The following PAPPA2 variants were observed in gnomAD, a reference collection of about 807,000 sequenced individuals.
The protein encoded by PAPPA2 is pappalysin-2.
Under a neutral mutation model 176.4 loss-of-function variants are expected in PAPPA2, and 86 were observed. The ratio of observed to expected loss-of-function variants is 0.49; its 90% CI spans 0.41 to 0.58. The LOEUF (loss-of-function observed/expected upper bound fraction) is 0.58. PAPPA2 is among the 20% of genes least tolerant of loss of function. The probability of loss-of-function intolerance (pLI) is 0.00; values close to 1 mark genes in which losing one functional copy is unlikely to be tolerated. For synonymous variants in PAPPA2, 809 were observed against 852.2 expected, an observed-to-expected ratio of 0.95 and a Z score of 0.88; for missense variants, 2,073 against 2,256.9, an observed-to-expected ratio of 0.92 and a Z score of 1.65.
chr1:176,751,072 T>C (rs1663150580), intron 14 of PAPPA2, among the ~76,000 whole-genome samples: 1 of 151,918 alleles, frequency 6.6e-6, no homozygotes, highest in Non-Finnish European at 1.5e-5. Context: ...TAGCCAGTTT[T>C]CCCAGCACCA....
intron 1 of PAPPA2, among the ~76,000 whole-genome samples, chr1:176,478,530 A>G (rs1652242782): frequency 6.6e-6 from 1 of 152,280 alleles, no homozygotes; most frequent in African/African-American, 2.4e-5. Flanking sequence ...GGTGCATTGC[A>G]GAATAACAAT....
intron 2 of PAPPA2, 134 bp from the exon 3 acceptor site, chr1:176,594,390 A>G (rs1653828615): frequency 1.4e-6 from 1 of 731,250 alleles, no homozygotes; most frequent in East Asian, 2.7e-5. Flanking sequence ...CTCAGGTGAG[A>G]AATCTGTGTC....
At chr1:176,559,772 C>A (rs1476626168) in intron 2 of PAPPA2, among the ~76,000 whole-genome samples, 1 of 152,178 alleles carries the variant, frequency 6.6e-6, no homozygotes, top group Non-Finnish European at 1.5e-5. Context: ...TTGGAATGAT[C>A]CGAGGTGCTG....
intron 1 of PAPPA2, among the ~76,000 whole-genome samples, chr1:176,526,233 G>A (rs943192420): frequency 6.6e-6 from 1 of 152,136 alleles, no homozygotes; most frequent in African/African-American, 2.4e-5. Flanking sequence ...TAAATGCTGG[G>A]GCCATTGCCG....
At chr1:176,640,631 A>G (rs906438759) in intron 3 of PAPPA2, among the ~76,000 whole-genome samples, 1 of 151,988 alleles carries the variant, frequency 6.6e-6, no homozygotes, top group Non-Finnish European at 1.5e-5. Flanking sequence ...GCTCTTGTGA[A>G]TAGTGCCGCA....
chr1:176,557,364 C>T, intron 2 of PAPPA2, 123 bp downstream of exon 2: 1 of 1,146,508 alleles, frequency 8.7e-7, no homozygotes. Flanking sequence ...AAGGGCTAGC[C>T]AGGGAGAGGG....
At chr1:176,690,086 G>A in intron 4 of PAPPA2, 51 bp from the exon 5 acceptor site, 1 of 1,439,066 alleles carries the variant, frequency 6.9e-7, no homozygotes, top group African/African-American at 1.4e-5. Context: ...TTAAGGATTG[G>A]AGAGCTATTC....
chr1:176,564,543 T>C (rs967497403), intron 2 of PAPPA2, among the ~76,000 whole-genome samples: 1 of 152,202 alleles, frequency 6.6e-6, no homozygotes, highest in Non-Finnish European at 1.5e-5. Flanking sequence ...TGCTTTGCTT[T>C]CTAGTTTCAC....
At chr1:176,718,734 T>C (rs1344776689) in intron 12 of PAPPA2, among the ~76,000 whole-genome samples, 2 of 151,770 alleles carry the variant, frequency 1.3e-5, no homozygotes, top group African/African-American at 2.4e-5. Context: ...AGCTAGAGTC[T>C]TCTGTGGTCA....
At chr1:176,636,831 A>T (rs1330478433) in intron 3 of PAPPA2, among the ~76,000 whole-genome samples, 1 of 152,176 alleles carries the variant, frequency 6.6e-6, no homozygotes, top group Non-Finnish European at 1.5e-5. Flanking sequence ...TGTTGTTTTT[A>T]AGAACCTATG....
At chr1:176,752,613 A>G (rs1292810300) in intron 14 of PAPPA2, among the ~76,000 whole-genome samples, 1 of 152,168 alleles carries the variant, frequency 6.6e-6, no homozygotes, top group Non-Finnish European at 1.5e-5. Flanking sequence ...CATGAATACT[A>G]ATTTAGTCAC....
chr1:176,703,967 G>A (rs1357341879), intron 9 of PAPPA2, among the ~76,000 whole-genome samples: 2 of 108,420 alleles, frequency 1.8e-5, no homozygotes, highest in Non-Finnish European at 3.9e-5. Context: ...TAAACCTGAA[G>A]CCCTCCAGTT....
chr1:176,501,441 C>A (rs914479405), intron 1 of PAPPA2, among the ~76,000 whole-genome samples: 2 of 152,160 alleles, frequency 1.3e-5, no homozygotes, highest in African/African-American at 4.8e-5. Flanking sequence ...GTCCCTCAGG[C>A]CACTTTTTTG....
chr1:176,819,107 C>A (rs1211642426), intron 21 of PAPPA2, among the ~76,000 whole-genome samples: 1 of 152,064 alleles, frequency 6.6e-6, no homozygotes, highest in Non-Finnish European at 1.5e-5. Context: ...TGGCACATGG[C>A]AGATGGTCAA....
intron 1 of PAPPA2, among the ~76,000 whole-genome samples, chr1:176,480,751 C>T (rs1366518569): frequency 2.0e-5 from 3 of 152,090 alleles, no homozygotes; most frequent in African/African-American, 7.2e-5. Context: ...TAGTTAGGAC[C>T]ACCCCTTCTC....
intron 2 of PAPPA2, among the ~76,000 whole-genome samples, chr1:176,580,798 A>T (rs1652917657): frequency 6.6e-6 from 1 of 152,170 alleles, no homozygotes; most frequent in East Asian, 1.9e-4. Flanking sequence ...ATATCTGTTC[A>T]GATCATTGCT....
chr1:176,748,646 A>G (rs1663027971), intron 14 of PAPPA2, among the ~76,000 whole-genome samples: 1 of 152,226 alleles, frequency 6.6e-6, no homozygotes, highest in South Asian at 2.1e-4. Context: ...ATTTGTCTCA[A>G]TGAAAGACTG....
intron 3 of PAPPA2, among the ~76,000 whole-genome samples, chr1:176,641,329 T>C (rs1473857803): frequency 6.6e-6 from 1 of 151,820 alleles, no homozygotes; most frequent in Non-Finnish European, 1.5e-5. Context: ...TTAGGTCTAA[T>C]ATTTAAGTCT....
At chr1:176,746,312 T>A (rs926965956) in intron 14 of PAPPA2, among the ~76,000 whole-genome samples, 1 of 152,222 alleles carries the variant, frequency 6.6e-6, no homozygotes, top group Non-Finnish European at 1.5e-5. Context: ...GCAGAGAAAG[T>A]CTTGTCAAAT....
Sources: gnomAD v4.1 joint callset for allele counts (sites outside exome capture counted in the v4.1 genomes callset) on GRCh38, gnomAD v4.1.1 for gene constraint, MANE v1.5 for transcripts, NCBI Gene and HGNC (gene_info 2026-07-23, HGNC 2026-07-21) for gene names.